AIM2: variants seen among roughly 807,000 people sequenced by gnomAD.
AIM2 encodes the protein absent in melanoma 2.
Under a neutral mutation model 27.7 loss-of-function variants are expected in AIM2, and 30 were observed. The ratio of observed to expected loss-of-function variants is 1.08; its 90% confidence interval spans 0.81 to 1.47. The LOEUF is 1.47. Ranked by LOEUF, AIM2 falls within the 40% of genes most tolerant of loss-of-function variation. AIM2 has a pLI of 0.00. For missense variants in AIM2, 358 were observed against 411.3 expected, an observed-to-expected ratio of 0.87 and a Z score of 1.12; for synonymous variants, 141 against 145.3, an observed-to-expected ratio of 0.97 and a Z score of 0.21.
At chr1:159,102,585 AG>A (rs1657341336) in intron 1 of AIM2, among the ~76,000 whole-genome samples, 3 of 152,232 alleles carry the variant, frequency 2.0e-5, no homozygotes, top group African/African-American at 7.2e-5. Flanking sequence ...TACCCTGCAA[AG>A]CCACAAGGGC....
At chr1:159,067,253 C>T (rs933456822) in intron 3 of AIM2, among the ~76,000 whole-genome samples, 4 of 152,076 alleles carry the variant, frequency 2.6e-5, no homozygotes, top group African/African-American at 9.7e-5. Flanking sequence ...TTTTCCTAGA[C>T]GATACAATTA....
intron 4 of AIM2, among the ~76,000 whole-genome samples, chr1:159,065,118 G>A (rs965527309): frequency 2.0e-5 from 3 of 152,166 alleles, no homozygotes; most frequent in African/African-American, 7.2e-5. Flanking sequence ...GTTATTCTGA[G>A]GCTCTGAATG....
intron 1 of AIM2, among the ~76,000 whole-genome samples, chr1:159,135,071 AC>A (rs1557916633): frequency 6.6e-6 from 1 of 152,170 alleles, no homozygotes; most frequent in Non-Finnish European, 1.5e-5. Flanking sequence ...TCCTTCATTT[AC>A]CATTGCAGCT....
chr1:159,068,900 A>G (rs1200541002), intron 2 of AIM2, among the ~76,000 whole-genome samples, 199 bp from the exon 3 acceptor site: 2 of 152,228 alleles, frequency 1.3e-5, no homozygotes, highest in African/African-American at 2.4e-5. Flanking sequence ...GCACTTTGGG[A>G]GGCCAAGGCT....
intron 1 of AIM2, among the ~76,000 whole-genome samples, chr1:159,098,274 T>C (rs2852721): frequency 0.91 from 138,406 of 152,162 alleles, 64,078 homozygotes; most frequent in East Asian, 1. Flanking sequence ...AGCCAGGCAC[T>C]GTGCTGGCCC....
chr1:159,093,320 C>T (rs1172738475), intron 1 of AIM2, among the ~76,000 whole-genome samples: 1 of 152,146 alleles, frequency 6.6e-6, no homozygotes, highest in African/African-American at 2.4e-5. Context: ...AGGGTCAGTG[C>T]AGTGACGTAG....
chr1:159,114,258 G>A (rs1245842909), intron 1 of AIM2, among the ~76,000 whole-genome samples: 1 of 152,156 alleles, frequency 6.6e-6, no homozygotes, highest in African/African-American at 2.4e-5. Context: ...ATGCAAATAA[G>A]GGGAAAACAC....
At chr1:159,078,274 G>C (rs1158214602), upstream of AIM2, among the ~76,000 whole-genome samples, 1 of 152,216 alleles carries the variant, frequency 6.6e-6, no homozygotes, top group Non-Finnish European at 1.5e-5. Flanking sequence ...GCACATGAGG[G>C]AAGAGATTTC....
upstream of AIM2, chr1:159,081,697 A>G (rs966579397): frequency 8.5e-6 from 2 of 235,818 alleles, no homozygotes; most frequent in Admixed American, 1.0e-4. Context: ...AAATAAAAGG[A>G]CAATTAAGTT....
At position 159,073,535 on chromosome 1, in the gene AIM2, A is replaced by G. The variant is rs1386767739; in HGVS notation, c.-20-16T>C. On this transcript the variant is annotated splice_polypyrimidine_tract_variant and intron_variant, in intron 1 of 5. Coordinates refer to ENST00000368130, the MANE Select transcript of AIM2 (RefSeq NM_004833.3). ...TGGGATCAGCCTATAAGGAATCCAA[A>G]ACATGTAAGATTACACCACCAAAAG... 1.9e-6 allele frequency: 3 copies of G among 1,589,696 alleles called. No individual in the cohort carries two copies. In the African/African-American group the frequency reaches 4.0e-5, roughly 21 times the overall value.
intron 4 of AIM2, among the ~76,000 whole-genome samples, chr1:159,065,010 T>C (rs1354818017): frequency 6.6e-6 from 1 of 152,190 alleles, no homozygotes; most frequent in Non-Finnish European, 1.5e-5. Context: ...ATAAAGAACA[T>C]GACTTTCCTA....
At chr1:159,063,853 A>C (rs1157867795) in intron 4 of AIM2, among the ~76,000 whole-genome samples, 179 bp from the exon 5 acceptor site, 1 of 152,204 alleles carries the variant, frequency 6.6e-6, no homozygotes, top group Non-Finnish European at 1.5e-5. Flanking sequence ...TGCCACCCCA[A>C]GATGGCAAGA....
chr1:159,094,373 A>G (rs181586894), intron 1 of AIM2, among the ~76,000 whole-genome samples: 1 of 152,314 alleles, frequency 6.6e-6, no homozygotes, highest in East Asian at 1.9e-4. Context: ...CATGTGCTTA[A>G]AAGTATTCTG....
At chr1:159,114,873 G>A (rs1049257964) in intron 1 of AIM2, among the ~76,000 whole-genome samples, 2 of 152,192 alleles carry the variant, frequency 1.3e-5, no homozygotes, top group African/African-American at 4.8e-5. Flanking sequence ...TATTCAGTTA[G>A]GAAAAGAGGA....
chr1:159,118,141 C>T (rs1647433278), intron 1 of AIM2, among the ~76,000 whole-genome samples: 1 of 152,142 alleles, frequency 6.6e-6, no homozygotes, highest in African/African-American at 2.4e-5. Context: ...CCAAACTGAA[C>T]AACAAATACA....
At chr1:159,088,711 T>C (rs946073515) in intron 1 of AIM2, among the ~76,000 whole-genome samples, 18 of 152,070 alleles carry the variant, frequency 1.2e-4, no homozygotes, top group African/African-American at 4.1e-4. Flanking sequence ...TAGCTTATGA[T>C]GGGGTGGGGC....
At chr1:159,129,872 C>T (rs750466241) in intron 1 of AIM2, among the ~76,000 whole-genome samples, 3 of 152,218 alleles carry the variant, frequency 2.0e-5, no homozygotes, top group South Asian at 2.1e-4. Context: ...AAACCACACA[C>T]TTCTCCCTCC....
At chr1:159,139,598 T>C (rs1305649646) in intron 1 of AIM2, among the ~76,000 whole-genome samples, 1 of 152,138 alleles carries the variant, frequency 6.6e-6, no homozygotes, top group Non-Finnish European at 1.5e-5. Context: ...TATACCGAGG[T>C]CTTCTGATTC....
intron 1 of AIM2, among the ~76,000 whole-genome samples, chr1:159,105,425 C>T (rs2102022422): frequency 6.6e-6 from 1 of 152,348 alleles, no homozygotes; most frequent in South Asian, 2.1e-4. Context: ...GGGCATGTTT[C>T]TGCCCTGTTT....
Sources: allele counts gnomAD v4.1 joint callset (sites outside exome capture counted in the v4.1 genomes callset), GRCh38; gene constraint gnomAD v4.1.1; transcripts MANE v1.5; gene names NCBI Gene and HGNC (gene_info 2026-07-23, HGNC 2026-07-21).